The following RELN variants were observed in gnomAD, a reference collection of about 807,000 sequenced individuals.
The protein encoded by RELN is reelin.
A neutral mutation model predicts 427.6 loss-of-function variants in RELN; 108 were observed. The ratio of observed to expected loss-of-function variants is 0.25; its 90% CI spans 0.22 to 0.30. RELN has a LOEUF of 0.30. Ranked by LOEUF, RELN falls within the 10% of genes least tolerant of loss-of-function variation. The pLI, the probability that RELN is intolerant of heterozygous loss-of-function variation, is 1.00. For missense variants in RELN, 3,715 were observed against 4,302.8 expected, an observed-to-expected ratio of 0.86 and a Z score of 3.82; for synonymous variants, 1,524 against 1,513.4, an observed-to-expected ratio of 1.01 and a Z score of -0.16.
intron 2 of RELN, among the ~76,000 whole-genome samples, chr7:103,906,297 G>T (rs918609737): frequency 1.3e-5 from 2 of 152,078 alleles, no homozygotes; most frequent in South Asian, 2.1e-4. Flanking sequence ...ATAACCTCCC[G>T]CAAGTTACTT....
intron 3 of RELN, among the ~76,000 whole-genome samples, chr7:103,810,322 T>A (rs1792708072): frequency 6.6e-6 from 1 of 152,134 alleles, no homozygotes. Flanking sequence ...TTTCCTCCCA[T>A]CCTTTTGTCA....
intron 1 of RELN, among the ~76,000 whole-genome samples, chr7:103,964,158 C>T (rs377673979): frequency 1.4e-4 from 21 of 151,580 alleles, no homozygotes; most frequent in African/African-American, 4.6e-4. Context: ...GACCCTGTCT[C>T]GAAATAATAA....
intron 11 of RELN, among the ~76,000 whole-genome samples, chr7:103,675,622 A>G (rs957349305): frequency 2.6e-5 from 4 of 152,226 alleles, no homozygotes; most frequent in African/African-American, 9.6e-5. Flanking sequence ...GCGTCATGCT[A>G]TCTGACTTCA....
chr7:103,859,057 C>T (rs892949787), intron 2 of RELN, among the ~76,000 whole-genome samples: 1 of 152,148 alleles, frequency 6.6e-6, no homozygotes, highest in Non-Finnish European at 1.5e-5. Flanking sequence ...ATACTTGCTC[C>T]TTTTCACTTT....
intron 2 of RELN, among the ~76,000 whole-genome samples, chr7:103,911,896 C>T (rs557825949): frequency 6.8e-6 from 1 of 147,080 alleles, no homozygotes; most frequent in Non-Finnish European, 1.5e-5. Context: ...GGAGATATAC[C>T]TAATGCTAGA....
At chr7:103,685,047 C>G (rs1327102668) in intron 10 of RELN, among the ~76,000 whole-genome samples, 1 of 152,084 alleles carries the variant, frequency 6.6e-6, no homozygotes, top group African/African-American at 2.4e-5. Flanking sequence ...TTAATTAGAA[C>G]TTTAAAAGCC....
intron 51 of RELN, among the ~76,000 whole-genome samples, chr7:103,506,766 A>T: frequency 6.6e-6 from 1 of 152,092 alleles, no homozygotes; most frequent in Non-Finnish European, 1.5e-5. Context: ...ACAGACTAGC[A>T]AACTGGATAA....
chr7:103,480,463 C>T (rs1828192970), intron 63 of RELN, among the ~76,000 whole-genome samples: 2 of 152,158 alleles, frequency 1.3e-5, no homozygotes, highest in Admixed American at 6.5e-5. Context: ...CCTTAAAACT[C>T]TTTGTGGCTC....
At chr7:103,609,801 T>C (rs985526227) in intron 22 of RELN, among the ~76,000 whole-genome samples, 3 of 152,196 alleles carry the variant, frequency 2.0e-5, no homozygotes, top group African/African-American at 7.2e-5. Flanking sequence ...AAAAGAGCGA[T>C]TGTTAGGCAG....
At chr7:103,736,673 T>TA (rs1358416718) in intron 6 of RELN, among the ~76,000 whole-genome samples, 1 of 152,230 alleles carries the variant, frequency 6.6e-6, no homozygotes, top group African/African-American at 2.4e-5. Context: ...TCTGACCTCC[T>TA]ACTATGGTAA....
chr7:103,515,455 A>G lies in RELN; in HGVS notation c.7863-14T>C, dbSNP rs1382626111. The G allele has an allele frequency of 1.2e-6, 2 of 1,613,720 alleles. No individual in the cohort carries two copies. The highest frequency in any genetic ancestry group is 1.7e-6 in the Non-Finnish European group (2 of 1,179,952). ...ATATTCACAAATCTATAGGAAAATG[A>G]TGGGGAAGGGTGTGGGGAAGAACCC... On this transcript the variant is annotated splice_polypyrimidine_tract_variant and intron_variant, in intron 49 of 64. Coordinates refer to ENST00000428762, the MANE Select transcript of RELN (RefSeq NM_005045.4).
intron 3 of RELN, among the ~76,000 whole-genome samples, chr7:103,778,531 C>G (rs1019834599): frequency 6.6e-6 from 1 of 152,196 alleles, no homozygotes; most frequent in Non-Finnish European, 1.5e-5. Context: ...CCCATGAACA[C>G]GATCAGCCAA....
At chr7:103,986,391 T>C (rs1228823408) in intron 1 of RELN, among the ~76,000 whole-genome samples, 1 of 152,184 alleles carries the variant, frequency 6.6e-6, no homozygotes, top group African/African-American at 2.4e-5. Context: ...CCAGATTTTT[T>C]AGTACTATAT....
chr7:103,970,676 T>A (rs1267137588), intron 1 of RELN, among the ~76,000 whole-genome samples: 1 of 152,192 alleles, frequency 6.6e-6, no homozygotes. Flanking sequence ...AACATATAGT[T>A]AATAAGGTGT....
At chr7:103,576,747 C>T (rs1171136657) in intron 28 of RELN, among the ~76,000 whole-genome samples, 1 of 152,132 alleles carries the variant, frequency 6.6e-6, no homozygotes, top group Non-Finnish European at 1.5e-5. Context: ...ATCTTTAAAT[C>T]ACAAACACCA....
intron 46 of RELN, among the ~76,000 whole-genome samples, chr7:103,527,927 T>C (rs1430487911): frequency 6.6e-6 from 1 of 152,146 alleles, no homozygotes; most frequent in African/African-American, 2.4e-5. Flanking sequence ...CAATAACAAG[T>C]GCTGGTAAGG....
intron 2 of RELN, among the ~76,000 whole-genome samples, chr7:103,868,924 T>G (rs557162625): frequency 6.6e-6 from 1 of 152,130 alleles, no homozygotes; most frequent in African/African-American, 2.4e-5. Flanking sequence ...TTTCAATCTA[T>G]TTGCTTTTTT....
intron 1 of RELN, among the ~76,000 whole-genome samples, chr7:103,969,082 C>A (rs189935462): frequency 3.9e-5 from 6 of 152,134 alleles, no homozygotes; most frequent in Admixed American, 2.0e-4. Context: ...AGAGAAAGGC[C>A]CACATCTGGT....
intron 28 of RELN, among the ~76,000 whole-genome samples, chr7:103,577,103 T>C (rs773364898): frequency 6.6e-6 from 1 of 152,218 alleles, no homozygotes; most frequent in South Asian, 2.1e-4. Context: ...TTATAGACTT[T>C]TGAGTTAATC....
Sources: gnomAD v4.1 joint callset for allele counts (sites outside exome capture counted in the v4.1 genomes callset) on GRCh38, gnomAD v4.1.1 for gene constraint, MANE v1.5 for transcripts, NCBI Gene and HGNC (gene_info 2026-07-23, HGNC 2026-07-21) for gene names.